The following SMYD3 variants were observed in gnomAD, a reference collection of about 807,000 sequenced individuals.
The protein encoded by SMYD3 is histone-lysine N-methyltransferase SMYD3.
Under a neutral mutation model 57.7 loss-of-function variants are expected in SMYD3, and 36 were observed. That is an observed-to-expected ratio of 0.62 (90% CI 0.48 to 0.82). The LOEUF (loss-of-function observed/expected upper bound fraction) is 0.82. SMYD3 is among the 40% of genes least tolerant of loss of function. The pLI, the probability that SMYD3 is intolerant of heterozygous loss-of-function variation, is 0.00. For synonymous variants in SMYD3, 211 were observed against 195.0 expected, an observed-to-expected ratio of 1.08 and a Z score of -0.68; for missense variants, 515 against 538.8, an observed-to-expected ratio of 0.96 and a Z score of 0.44.
intron 5 of SMYD3, among the ~76,000 whole-genome samples, chr1:246,288,659 A>C (rs1468094058): frequency 6.6e-6 from 1 of 152,210 alleles, no homozygotes; most frequent in Non-Finnish European, 1.5e-5. Context: ...AATGCAAAGA[A>C]TTGAGCATTT....
At chr1:245,789,191 G>A (rs1458464635) in intron 10 of SMYD3, among the ~76,000 whole-genome samples, 2 of 152,088 alleles carry the variant, frequency 1.3e-5, no homozygotes, top group Admixed American at 1.3e-4. Context: ...GTGCCATTTC[G>A]GGGACCTGAA....
intron 5 of SMYD3, among the ~76,000 whole-genome samples, chr1:245,962,561 G>A (rs915693836): frequency 6.6e-6 from 1 of 152,110 alleles, no homozygotes; most frequent in African/African-American, 2.4e-5. Context: ...AGGTTTCGTG[G>A]CCAGACAGCC....
intron 4 of SMYD3, among the ~76,000 whole-genome samples, chr1:246,330,025 G>A (rs1388011783): frequency 6.6e-6 from 1 of 152,120 alleles, no homozygotes; most frequent in African/African-American, 2.4e-5. Context: ...AGAGAAGAAT[G>A]ATGCTTCACA....
intron 5 of SMYD3, among the ~76,000 whole-genome samples, chr1:245,965,877 C>T (rs1050148999): frequency 2.0e-5 from 3 of 152,030 alleles, no homozygotes; most frequent in East Asian, 1.9e-4. Flanking sequence ...AATGTCAACT[C>T]GGGAGTCTGG....
At chr1:246,215,984 G>T (rs1009546218) in intron 5 of SMYD3, among the ~76,000 whole-genome samples, 2 of 152,168 alleles carry the variant, frequency 1.3e-5, no homozygotes, top group Middle Eastern at 3.4e-3. Flanking sequence ...GAGCACTCTG[G>T]ACTAATGTGA....
At chr1:246,428,353 G>C (rs1409997287) in intron 1 of SMYD3, among the ~76,000 whole-genome samples, 1 of 152,076 alleles carries the variant, frequency 6.6e-6, no homozygotes, top group Non-Finnish European at 1.5e-5. Flanking sequence ...GTGTTTTTCA[G>C]TTGCAAATAA....
intron 8 of SMYD3, among the ~76,000 whole-genome samples, chr1:245,912,102 C>T (rs1577988): frequency 0.8 from 121,097 of 152,026 alleles, 49,627 homozygotes; most frequent in Non-Finnish European, 0.9. Context: ...ACCTTATATA[C>T]GGAGAAACTA....
At chr1:246,096,569 AGTCCATTGTACTTATGGGAATG>A (rs2060918898) in intron 5 of SMYD3, 1 of 152,216 alleles carries the variant, frequency 6.6e-6, no homozygotes, top group Admixed American at 6.5e-5. Flanking sequence ...TGGCAATCTC[AGTCCATTGTACTTATGGGAATG>A]CTTTTTAGAT....
chr1:246,047,904 C>A (rs1233340003), intron 5 of SMYD3, among the ~76,000 whole-genome samples: 1 of 151,854 alleles, frequency 6.6e-6, no homozygotes, highest in Non-Finnish European at 1.5e-5. Flanking sequence ...ATACCCACGA[C>A]AGGAAACCCA....
intron 3 of SMYD3, among the ~76,000 whole-genome samples, chr1:246,333,817 T>G (rs930566382): frequency 6.6e-6 from 1 of 151,830 alleles, no homozygotes; most frequent in African/African-American, 2.4e-5. Context: ...GCCCCAGAGG[T>G]TGAGGCTGCA....
chr1:245,921,546 GGT>G (rs754525275), intron 7 of SMYD3, among the ~76,000 whole-genome samples: 375 of 24,638 alleles, frequency 0.015, 15 homozygotes, highest in East Asian at 0.064. Flanking sequence ...TAAAAAATGT[GGT>G]GTATATATAT....
chr1:246,356,217 TG>T lies in SMYD3; in HGVS notation c.165-1124del, dbSNP rs767695014. 1.4e-4 allele frequency among the ~76,000 whole-genome samples: 21 copies of T among 152,260 alleles called. 2 individuals carry two copies. Among genetic ancestry groups the T allele is most frequent in the Admixed American group, 1.0e-3 (16 of 15,284 alleles). The stretch of plus-strand genomic sequence containing the variant: ...AAAACAATCACTGCAGTTTGGCTCT[TG>T]GGAAGCTCCATCCCTGGGGGAGGAG... On this transcript the variant is annotated intron_variant, in intron 1 of 11. Coordinates refer to ENST00000490107, the MANE Select transcript of SMYD3 (RefSeq NM_001167740.2).
chr1:246,066,259 G>C (rs1348330055), intron 5 of SMYD3, among the ~76,000 whole-genome samples: 2 of 152,028 alleles, frequency 1.3e-5, no homozygotes. Context: ...CATTCAAACC[G>C]GGCTAATAAA....
chr1:246,313,389 A>T (rs1293190389), intron 5 of SMYD3, among the ~76,000 whole-genome samples: 1 of 152,192 alleles, frequency 6.6e-6, no homozygotes, highest in Admixed American at 6.5e-5. Flanking sequence ...ACCCTAGGAC[A>T]CCAACCAGCA....
At chr1:246,126,493 A>T (rs2148049405) in intron 5 of SMYD3, among the ~76,000 whole-genome samples, 1 of 152,324 alleles carries the variant, frequency 6.6e-6, no homozygotes, top group Non-Finnish European at 1.5e-5. Context: ...TTAAATGTAA[A>T]TTGAAGAGGA....
At chr1:245,789,476 A>G (rs2047178614) in intron 10 of SMYD3, among the ~76,000 whole-genome samples, 1 of 152,248 alleles carries the variant, frequency 6.6e-6, no homozygotes, top group Non-Finnish European at 1.5e-5. Flanking sequence ...AGCCACAGTC[A>G]ATATTTGATT....
chr1:245,905,047 C>T (rs896777707), intron 8 of SMYD3, among the ~76,000 whole-genome samples: 4 of 151,974 alleles, frequency 2.6e-5, no homozygotes, highest in Non-Finnish European at 5.9e-5. Context: ...CAGCATTCAT[C>T]ACCTACTAAC....
chr1:246,339,563 C>A (rs910846168), intron 2 of SMYD3, among the ~76,000 whole-genome samples: 3 of 152,120 alleles, frequency 2.0e-5, no homozygotes, highest in Admixed American at 2.0e-4. Flanking sequence ...ACATGCCACA[C>A]ACATACACAA....
At chr1:246,168,563 A>T (rs965464487) in intron 5 of SMYD3, among the ~76,000 whole-genome samples, 1 of 152,200 alleles carries the variant, frequency 6.6e-6, no homozygotes, top group Non-Finnish European at 1.5e-5. Flanking sequence ...CCCATCACAC[A>T]TTCCTGGGAA....
Sources: allele counts gnomAD v4.1 joint callset (sites outside exome capture counted in the v4.1 genomes callset), GRCh38; gene constraint gnomAD v4.1.1; transcripts MANE v1.5; gene names NCBI Gene and HGNC (gene_info 2026-07-23, HGNC 2026-07-21).